The following SEZ6L variants were observed in gnomAD, a reference collection of about 807,000 sequenced individuals.
SEZ6L encodes seizure 6-like protein.
A neutral mutation model predicts 106.2 loss-of-function variants in SEZ6L; 37 were observed. The ratio of observed to expected loss-of-function variants is 0.35; its 90% CI spans 0.27 to 0.46. The LOEUF is 0.46. SEZ6L is among the 20% of genes least tolerant of loss of function. The probability of loss-of-function intolerance (pLI) is 1.00; values close to 1 mark genes in which losing one functional copy is unlikely to be tolerated. For missense variants in SEZ6L, 1,172 were observed against 1,332.8 expected (o/e 0.88, Z 1.88); for synonymous variants, 541 against 570.4 (o/e 0.95, Z 0.73).
At chr22:26,316,921 GAAAA>G (rs1463664629) in intron 9 of SEZ6L, among the ~76,000 whole-genome samples, 1 of 147,370 alleles carries the variant, frequency 6.8e-6, no homozygotes, top group East Asian at 2.2e-4. Flanking sequence ...AAGAAAGAAA[GAAAA>G]AGAAAGAAAG....
intron 13 of SEZ6L, among the ~76,000 whole-genome samples, chr22:26,366,361 C>CT (rs2083812864): frequency 2.6e-5 from 4 of 151,378 alleles, no homozygotes; most frequent in Admixed American, 2.6e-4. Flanking sequence ...GGTCTTTAAG[C>CT]TTTTTATCAT....
intron 1 of SEZ6L, among the ~76,000 whole-genome samples, chr22:26,219,934 A>G (rs780971501): frequency 6.6e-6 from 1 of 152,216 alleles, no homozygotes; most frequent in Non-Finnish European, 1.5e-5. Flanking sequence ...CATCCAGCAC[A>G]TGTATCCTGG....
chr22:26,338,521 C>T (rs1162196030), intron 9 of SEZ6L, among the ~76,000 whole-genome samples: 1 of 152,022 alleles, frequency 6.6e-6, no homozygotes, highest in Non-Finnish European at 1.5e-5. Flanking sequence ...CCTCAGCCTC[C>T]TGAGAAGCTA....
At chr22:26,324,186 G>C (rs1037355333) in intron 9 of SEZ6L, among the ~76,000 whole-genome samples, 3 of 151,658 alleles carry the variant, frequency 2.0e-5, no homozygotes, top group Non-Finnish European at 4.4e-5. Flanking sequence ...AGAAACTGAG[G>C]CTCAAAGTGT....
intron 9 of SEZ6L, among the ~76,000 whole-genome samples, chr22:26,326,641 C>G (rs965123209): frequency 6.6e-6 from 1 of 152,196 alleles, no homozygotes; most frequent in Non-Finnish European, 1.5e-5. Flanking sequence ...CCTCACACCC[C>G]TCATCACCCC....
intron 13 of SEZ6L, among the ~76,000 whole-genome samples, chr22:26,367,535 G>A (rs75069241): frequency 0.022 from 3,354 of 152,058 alleles, 122 homozygotes; most frequent in African/African-American, 0.076. Flanking sequence ...GTAGAGATGG[G>A]GGTCTCGCTA....
At chr22:26,195,239 T>C (rs951149471) in intron 1 of SEZ6L, among the ~76,000 whole-genome samples, 2 of 152,218 alleles carry the variant, frequency 1.3e-5, no homozygotes, top group South Asian at 2.1e-4. Flanking sequence ...ATATTCCTTG[T>C]ATGATAAAGC....
intron 12 of SEZ6L, among the ~76,000 whole-genome samples, chr22:26,359,887 A>C (rs2083557703): frequency 1.3e-5 from 2 of 152,258 alleles, no homozygotes; most frequent in African/African-American, 4.8e-5. Context: ...GTTCATAGAT[A>C]TAAAACACTC....
At position 26,296,901 on chromosome 22, in the gene SEZ6L, A is replaced by T; in HGVS notation, c.983A>T (p.Asn328Ile). The T allele has an allele frequency of 6.2e-7, 1 of 1,608,656 alleles. No individual in the cohort carries two copies. Among genetic ancestry groups the T allele is most frequent in the Non-Finnish European group, 8.5e-7 (1 of 1,176,934 alleles). The stretch of plus-strand genomic sequence containing the variant: ...GCCTGTTCCCAGGTGAAGAGTGTGA[A>T]CCTGTCCGATGGGGAACTGCTCTCC... ...YGVELQVKSVNLSDGELLSIR... is the reference protein window; with the variant it reads ...YGVELQVKSVILSDGELLSIR... The change falls in exon 4 of 17, where the codon AAC (asparagine) becomes ATC (isoleucine). Residue 328 changes from asparagine (N) to isoleucine (I), a missense_variant. Around this residue, in one of 4 missense-constraint regions of SEZ6L, gnomAD observed 494 missense variants for 445.8 expected, o/e 1.11. Coordinates refer to ENST00000248933, the MANE Select transcript of SEZ6L (RefSeq NM_021115.5).
chr22:26,192,516 T>G (rs977165672), intron 1 of SEZ6L, among the ~76,000 whole-genome samples: 1 of 152,222 alleles, frequency 6.6e-6, no homozygotes, highest in Non-Finnish European at 1.5e-5. Context: ...CTCATCAACT[T>G]TTTTCAAATA....
intron 1 of SEZ6L, among the ~76,000 whole-genome samples, chr22:26,190,665 C>A (rs1346047523): frequency 6.6e-6 from 1 of 152,140 alleles, no homozygotes; most frequent in Admixed American, 6.6e-5. Flanking sequence ...AGGCTGGAAC[C>A]ATGTAGGACC....
intron 14 of SEZ6L, among the ~76,000 whole-genome samples, chr22:26,375,324 G>A (rs181676330): frequency 1.3e-5 from 2 of 152,280 alleles, no homozygotes; most frequent in African/African-American, 4.8e-5. Flanking sequence ...GGAATGGTAC[G>A]ATCAGGTTTC....
At chr22:26,284,619 A>AC (rs2080874542) in intron 1 of SEZ6L, among the ~76,000 whole-genome samples, 1 of 151,142 alleles carries the variant, frequency 6.6e-6, no homozygotes, top group South Asian at 2.1e-4. Context: ...AAAAAAAAAA[A>AC]AAAAAAAAAA....
intron 1 of SEZ6L, among the ~76,000 whole-genome samples, chr22:26,236,914 G>A (rs554862844): frequency 6.6e-6 from 1 of 152,122 alleles, no homozygotes; most frequent in African/African-American, 2.4e-5. Context: ...TAACACACCA[G>A]CCTTATTCAT....
At chr22:26,171,802 C>T (rs1236181480) in intron 1 of SEZ6L, among the ~76,000 whole-genome samples, 6 of 152,186 alleles carry the variant, frequency 3.9e-5, no homozygotes, top group Non-Finnish European at 8.8e-5. Flanking sequence ...GGGAGTGATA[C>T]TGGCCAATGA....
At chr22:26,202,108 G>A (rs900086925) in intron 1 of SEZ6L, among the ~76,000 whole-genome samples, 17 of 152,026 alleles carry the variant, frequency 1.1e-4, no homozygotes, top group African/African-American at 4.1e-4. Flanking sequence ...TAGAGACGGG[G>A]TTTCACTGTG....
intron 2 of SEZ6L, 113 bp downstream of exon 2, chr22:26,293,259 C>T (rs1348248227): frequency 1.2e-5 from 16 of 1,379,172 alleles, no homozygotes; most frequent in Admixed American, 3.0e-5. Context: ...CATCAGTTAC[C>T]GTCCATTGAG....
At chr22:26,260,514 C>A (rs1399791734) in intron 1 of SEZ6L, among the ~76,000 whole-genome samples, 1 of 151,952 alleles carries the variant, frequency 6.6e-6, no homozygotes, top group East Asian at 1.9e-4. Flanking sequence ...ATACATATGA[C>A]AATTTTGGAG....
At chr22:26,350,958 G>T in intron 11 of SEZ6L, 94 bp from the exon 12 acceptor site, 1 of 1,378,202 alleles carries the variant, frequency 7.3e-7, no homozygotes. Context: ...ACCCGGCCAA[G>T]TTAGGAAACT....
Sources: gnomAD v4.1 joint callset for allele counts (sites outside exome capture counted in the v4.1 genomes callset) on GRCh38, gnomAD v4.1.1 for gene constraint, gnomAD v4.1.1 regional missense constraint, MANE v1.5 for transcripts, NCBI Gene and HGNC (gene_info 2026-07-23, HGNC 2026-07-21) for gene names.